The following MYOF variants were observed in gnomAD, a reference collection of about 807,000 sequenced individuals.
MYOF encodes the protein myoferlin.
In MYOF, 244 loss-of-function variants were observed where a neutral mutation model predicts 284.2. That is an observed-to-expected ratio of 0.86 (90% CI 0.77 to 0.95). MYOF has a LOEUF of 0.95. Ranked by LOEUF, MYOF falls within the 40% of genes least tolerant of loss-of-function variation. MYOF has a pLI of 0.00. For synonymous variants in MYOF, 904 were observed against 919.7 expected (o/e 0.98, Z 0.31); for missense variants, 2,496 against 2,560.6 (o/e 0.97, Z 0.54).
At chr10:93,462,110 A>C in intron 1 of MYOF, among the ~76,000 whole-genome samples, 1 of 116,936 alleles carries the variant, frequency 8.6e-6, no homozygotes, top group Admixed American at 8.7e-5. Flanking sequence ...TTTTTTTTTG[A>C]GTTAGAGTCT....
intron 5 of MYOF, among the ~76,000 whole-genome samples, chr10:93,411,967 C>T (rs1006381933): frequency 3.3e-5 from 5 of 152,284 alleles, no homozygotes; most frequent in East Asian, 1.9e-4. Flanking sequence ...GTGTGACTCC[C>T]TACTCTGTCC....
At chr10:93,436,716 C>T (rs1179412958) in intron 3 of MYOF, among the ~76,000 whole-genome samples, 8 of 152,258 alleles carry the variant, frequency 5.3e-5, no homozygotes, top group Non-Finnish European at 7.3e-5. Flanking sequence ...ATACAAAATA[C>T]TGTGAAAAAC....
At position 93,471,306 on chromosome 10, in the gene MYOF, T is replaced by G. The variant is rs529213120; in HGVS notation, c.88+10801A>C. Among the ~76,000 whole-genome samples the G allele has an allele frequency of 2.2e-3, 86 of 38,520 alleles. 1 individual carries two copies. The highest frequency in any genetic ancestry group is 0.018 in the East Asian group (80 of 4,566). The allele number at this position is 38,520 out of a possible 152,430, so 25.3% of individuals were successfully genotyped here. A position where few individuals can be genotyped will look rare whatever the true frequency, so the allele number is the denominator to read the frequency against. On this transcript the variant is annotated intron_variant, in intron 1 of 53. Transcript: ENST00000359263. The stretch of plus-strand genomic sequence containing the variant: ...GCAAACTCACCCCAGGGGGGATGGG[T>G]TTTTTTTTCTTTTTCTTTTTTTTTA...
rs1050020606 is a variant in MYOF at position 93,323,595 on chromosome 10, C to T, written c.5272-237G>A. On this transcript the variant is annotated intron_variant, in intron 46 of 53. Transcript: ENST00000359263. ...AGGGGTCTCTGACGGCTGCACATGC[C>T]CACCTGTATCATAGTCTGGGTCTCG... 1.3e-5 allele frequency: 7 copies of T among 526,468 alleles called. No homozygotes were observed. The East Asian group carries it at 1.8e-4, about 14-fold the overall frequency. 32.6% of individuals were successfully genotyped at this position (526,468 alleles called of 1,614,324 possible). A position where few individuals can be genotyped will look rare whatever the true frequency, so the allele number is the denominator to read the frequency against.
chr10:93,334,117 G>T (rs1843483821), intron 41 of MYOF, among the ~76,000 whole-genome samples: 1 of 152,188 alleles, frequency 6.6e-6, no homozygotes, highest in African/African-American at 2.4e-5. Context: ...GCTCACAGGG[G>T]AGAAGAGAGG....
chr10:93,456,760 G>T, intron 2 of MYOF, 122 bp downstream of exon 2: 1 of 707,098 alleles, frequency 1.4e-6, no homozygotes, highest in Non-Finnish European at 2.4e-6. Flanking sequence ...GGGAAACGGA[G>T]TGGGTGGGGG....
intron 3 of MYOF, among the ~76,000 whole-genome samples, chr10:93,445,067 A>C (rs2056390321): frequency 6.6e-6 from 1 of 152,260 alleles, no homozygotes; most frequent in African/African-American, 2.4e-5. Flanking sequence ...AAAAGGTAGC[A>C]ATACACTGAT....
chr10:93,356,258 A>G (rs544002575), intron 30 of MYOF, among the ~76,000 whole-genome samples: 1 of 152,156 alleles, frequency 6.6e-6, no homozygotes, highest in South Asian at 2.1e-4. Context: ...TTGCTCTCTA[A>G]TTTTGTGAGC....
At chr10:93,432,394 A>AAAAG (rs1221955778) in intron 3 of MYOF, among the ~76,000 whole-genome samples, 2 of 152,102 alleles carry the variant, frequency 1.3e-5, no homozygotes, top group Non-Finnish European at 1.5e-5. Context: ...CTCAAAAAAA[A>AAAAG]AGAAAAAGAA....
chr10:93,413,286 C>T (rs1847981050), intron 5 of MYOF, among the ~76,000 whole-genome samples: 1 of 152,178 alleles, frequency 6.6e-6, no homozygotes, highest in African/African-American at 2.4e-5. Context: ...CAGCCTAAGC[C>T]ATGGTGACAG....
At chr10:93,394,448 C>CTCTTTTTTT (rs1846871495) in intron 16 of MYOF, among the ~76,000 whole-genome samples, 6 of 28,682 alleles carry the variant, frequency 2.1e-4, no homozygotes, top group Admixed American at 1.3e-3. Context: ...ACCATCTTGT[C>CTCTTTTTTT]TTTTTTTTTT....
chr10:93,399,537 C>A (rs1037805990), intron 12 of MYOF, 42 bp from the exon 13 acceptor site: 2 of 1,517,922 alleles, frequency 1.3e-6, no homozygotes, highest in Non-Finnish European at 1.8e-6. Flanking sequence ...AATTCAATTC[C>A]CAGAAATTTG....
In MYOF at chr10:93,382,722, C is replaced by T. The variant is rs549054026; in HGVS notation, c.1699-1326G>A. ...TATGAGCCATATCTCCACAGATCTT[C>T]AGGCACTGTGCCTTCTTTTACCAAA... On this transcript the variant is annotated intron_variant, in intron 19 of 53. Transcript: ENST00000359263. 1.8e-4 allele frequency among the ~76,000 whole-genome samples: 28 copies of T among 152,336 alleles called. No homozygotes were observed. The Middle Eastern group carries it at 0.014, about 74-fold the overall frequency.
At chr10:93,482,032 A>G in intron 1 of MYOF, 75 bp downstream of exon 1, 1 of 1,399,196 alleles carries the variant, frequency 7.1e-7, no homozygotes, top group Non-Finnish European at 1.0e-6. Flanking sequence ...CTAAATGCAG[A>G]CTTTTCAAGA....
intron 3 of MYOF, among the ~76,000 whole-genome samples, chr10:93,447,764 G>T (rs998739745): frequency 3.3e-5 from 5 of 152,096 alleles, no homozygotes; most frequent in African/African-American, 9.7e-5. Context: ...AAAAATGCCC[G>T]AAATGAGTGC....
chr10:93,473,845 A>G (rs1001831861), intron 1 of MYOF, among the ~76,000 whole-genome samples: 3 of 152,126 alleles, frequency 2.0e-5, no homozygotes, highest in African/African-American at 7.2e-5. Context: ...ATGCTCCCCC[A>G]TTTGATCTTT....
At position 93,378,693 on chromosome 10, in the gene MYOF, G is replaced by GTGTGTGTATATATATATATA; in HGVS notation, c.2001+1169_2001+1170insTATATATATATATACACACA. Among the ~76,000 whole-genome samples, 289 of 87,792 alleles carry GTGTGTGTATATATATATATA rather than the reference G, an allele frequency of 3.3e-3. 19 individuals are homozygous for GTGTGTGTATATATATATATA. In the East Asian group the frequency reaches 0.078, roughly 24 times the overall value. The allele number at this position is 87,792 out of a possible 152,430, so 57.6% of individuals were successfully genotyped here. A position where few individuals can be genotyped will look rare whatever the true frequency, so the allele number is the denominator to read the frequency against. On this transcript the variant is annotated intron_variant, in intron 21 of 53. Transcript: ENST00000359263. Reference sequence around the variant, plus strand: ...TATGTGTGTGTGTATGTGTGTGTGTGTATATATATATATATATATATATGT... The same window carrying GTGTGTGTATATATATATATA: ...TATGTGTGTGTGTATGTGTGTGTGTGTGTGTGTATATATATATATATATATATATATATATATATATATGT...
At position 93,482,199 on chromosome 10, in the gene MYOF, C is replaced by T; in HGVS notation, c.-5G>A. 1 of 1,610,232 alleles carries T rather than the reference C, an allele frequency of 6.2e-7. No homozygotes were observed. The highest frequency in any genetic ancestry group is 8.5e-7 in the Non-Finnish European group (1 of 1,178,862). ...TTCCACAATCACTCGCAGCATGGTT[C>T]TTAGCTGGTAGAAAGCAAGTTTCAG... is the stretch of plus-strand genomic sequence containing the variant. On this transcript the variant is annotated 5_prime_UTR_variant, in exon 1 of 54. Transcript: ENST00000359263.
At chr10:93,464,730 G>A (rs2056964461) in intron 1 of MYOF, among the ~76,000 whole-genome samples, 1 of 152,102 alleles carries the variant, frequency 6.6e-6, no homozygotes, top group African/African-American at 2.4e-5. Context: ...GTCCTGAACG[G>A]TTAGATTGCT....
Sources: allele counts gnomAD v4.1 joint callset (sites outside exome capture counted in the v4.1 genomes callset), GRCh38; gene constraint gnomAD v4.1.1; transcripts MANE v1.5; gene names NCBI Gene and HGNC (gene_info 2026-07-23, HGNC 2026-07-21).